Variants in SIRT4 observed in about 807,000 individuals in gnomAD.
SIRT4 encodes NAD-dependent protein lipoamidase sirtuin-4, mitochondrial.
Under a neutral mutation model 26.1 loss-of-function variants are expected in SIRT4, and 23 were observed. The observed-to-expected ratio is 0.88, with a 90% CI of 0.63 to 1.25. The LOEUF (loss-of-function observed/expected upper bound fraction) is 1.25. SIRT4 is among the 50% of genes most tolerant of loss of function. The pLI is 0.00. For missense variants in SIRT4, 361 were observed against 405.4 expected, an observed-to-expected ratio of 0.89 and a Z score of 0.94; for synonymous variants, 155 against 158.4, an observed-to-expected ratio of 0.98 and a Z score of 0.16.
At chr12:120,308,077 G>C (rs966362412) in intron 2 of SIRT4, among the ~76,000 whole-genome samples, 1 of 150,734 alleles carries the variant, frequency 6.6e-6, no homozygotes. Flanking sequence ...GTCTGGTCTC[G>C]AACTCCTAAG....
the SIRT4 span, chr12:120,291,808 A>T: frequency 6.6e-6 from 1 of 152,200 alleles, no homozygotes; most frequent in African/African-American, 2.4e-5. Flanking sequence ...CTATATTTCA[A>T]GTCGTCATGG....
chr12:120,295,140 A>G, the SIRT4 span, among the ~76,000 whole-genome samples: 1 of 148,926 alleles, frequency 6.7e-6, no homozygotes, highest in Admixed American at 6.7e-5. Flanking sequence ...TTAGATGGTC[A>G]TTGCTGGTTT....
chr12:120,304,829 ATATATATTTTTTTTTTT>A lies in SIRT4; in HGVS notation c.497+773_497+789del, dbSNP rs1283724316. On this transcript the variant is annotated intron_variant, in intron 2 of 3. Transcript: ENST00000202967. ...TATATATATATATATATATATATAT[ATATATATTTTTTTTTTT>A]TTTTTTTTTTTTTAAAGAAAGTTGA... Among the ~76,000 whole-genome samples the A allele has an allele frequency of 4.0e-3, 126 of 31,192 alleles. 3 individuals carry two copies. The highest frequency in any genetic ancestry group is 0.033 in the Middle Eastern group (1 of 30). The allele number at this position is 31,192 out of a possible 152,430, so 20.5% of individuals were successfully genotyped here.
the SIRT4 span, among the ~76,000 whole-genome samples, chr12:120,294,556 C>T: frequency 6.6e-6 from 1 of 151,666 alleles, no homozygotes; most frequent in Admixed American, 6.6e-5. Flanking sequence ...CGCGCCCGGT[C>T]CCATTCATTC....
At chr12:120,306,806 A>G (rs1872760678) in intron 2 of SIRT4, among the ~76,000 whole-genome samples, 1 of 151,136 alleles carries the variant, frequency 6.6e-6, no homozygotes, top group South Asian at 2.1e-4. Context: ...CTATCTCAAT[A>G]AAAAAACAAA....
the SIRT4 span, among the ~76,000 whole-genome samples, chr12:120,296,996 G>A: frequency 6.6e-5 from 10 of 151,382 alleles, no homozygotes; most frequent in East Asian, 2.0e-4. Context: ...AGGCCGAGGC[G>A]GGTGGATCAC....
At chr12:120,296,017 G>A in the SIRT4 span, among the ~76,000 whole-genome samples, 2 of 127,974 alleles carry the variant, frequency 1.6e-5, no homozygotes, top group South Asian at 5.5e-4. Flanking sequence ...AACCTGGGAG[G>A]TAGAGGTTGC....
upstream of SIRT4, among the ~76,000 whole-genome samples, chr12:120,298,937 A>AAAT (rs1330975387): frequency 2.7e-5 from 4 of 146,220 alleles, no homozygotes; most frequent in Admixed American, 1.4e-4. Flanking sequence ...ATAAATAAAT[A>AAAT]AATAAATAGC....
At chr12:120,292,878 A>G in the SIRT4 span, among the ~76,000 whole-genome samples, 1 of 152,222 alleles carries the variant, frequency 6.6e-6, no homozygotes, top group African/African-American at 2.4e-5. Flanking sequence ...CCCTGCTTTT[A>G]CCTTAAAAGT....
intron 2 of SIRT4, among the ~76,000 whole-genome samples, chr12:120,311,735 C>CAAAA (rs10612543): frequency 1.8e-4 from 10 of 55,108 alleles, no homozygotes; most frequent in Non-Finnish European, 3.0e-4. Flanking sequence ...AACTTGCTCT[C>CAAAA]AAAAAAAAAA....
upstream of SIRT4, among the ~76,000 whole-genome samples, chr12:120,300,002 A>T (rs551976471): frequency 6.6e-6 from 1 of 152,116 alleles, no homozygotes; most frequent in Non-Finnish European, 1.5e-5. Context: ...CGAAATAAGC[A>T]GGCCCGGCAT....
chr12:120,305,459 C>T (rs1156280241), intron 2 of SIRT4, among the ~76,000 whole-genome samples: 1 of 152,074 alleles, frequency 6.6e-6, no homozygotes, highest in Non-Finnish European at 1.5e-5. Flanking sequence ...CGAAGTCTTA[C>T]TATGTTGCCC....
the SIRT4 span, among the ~76,000 whole-genome samples, chr12:120,297,247 T>C: frequency 1.5e-5 from 2 of 135,558 alleles, no homozygotes; most frequent in Non-Finnish European, 3.1e-5. Context: ...CATACATACA[T>C]ACATACATAC....
At chr12:120,307,869 C>G (rs1872802731) in intron 2 of SIRT4, among the ~76,000 whole-genome samples, 1 of 151,962 alleles carries the variant, frequency 6.6e-6, no homozygotes, top group South Asian at 2.1e-4. Flanking sequence ...AAAAAACAAC[C>G]AAGCAAACAA....
At chr12:120,309,399 C>A (rs181818168) in intron 2 of SIRT4, among the ~76,000 whole-genome samples, 9 of 151,304 alleles carry the variant, frequency 5.9e-5, no homozygotes, top group East Asian at 1.9e-4. Flanking sequence ...TTCACAGGGG[C>A]CTTTTTTTCT....
At chr12:120,300,794 G>C (rs1211081868), upstream of SIRT4, among the ~76,000 whole-genome samples, 2 of 152,038 alleles carry the variant, frequency 1.3e-5, no homozygotes, top group East Asian at 1.9e-4. Context: ...TGGTCTTCAA[G>C]GTCCCTGCTG....
At chr12:120,292,608 A>G in the SIRT4 span, among the ~76,000 whole-genome samples, 3 of 147,402 alleles carry the variant, frequency 2.0e-5, no homozygotes, top group African/African-American at 5.1e-5. Flanking sequence ...AAAGAAAACA[A>G]CAGTGCGAGA....
intron 2 of SIRT4, among the ~76,000 whole-genome samples, chr12:120,310,171 T>C (rs1872903599): frequency 6.6e-6 from 1 of 152,016 alleles, no homozygotes; most frequent in Admixed American, 6.6e-5. Flanking sequence ...GGCTCACGTC[T>C]GTAGTCTCAG....
intron 2 of SIRT4, among the ~76,000 whole-genome samples, chr12:120,304,803 T>TTATATA (rs1254801981): frequency 2.2e-3 from 132 of 60,334 alleles, no homozygotes; most frequent in African/African-American, 2.8e-3. Context: ...AAAGTAAATT[T>TTATATA]TATATATATA....
Sources: allele counts gnomAD v4.1 joint callset (sites outside exome capture counted in the v4.1 genomes callset), GRCh38; gene constraint gnomAD v4.1.1; transcripts MANE v1.5; gene names NCBI Gene and HGNC (gene_info 2026-07-23, HGNC 2026-07-21).